CENPE: variants seen among roughly 807,000 people sequenced by gnomAD.
CENPE encodes centromere protein E, also known as centromere-associated protein E.
Under a neutral mutation model 336.1 loss-of-function variants are expected in CENPE, and 145 were observed. That is an observed-to-expected ratio of 0.43 (90% CI 0.38 to 0.50). The LOEUF (loss-of-function observed/expected upper bound fraction) is 0.50. Ranked by LOEUF, CENPE falls within the 20% of genes least tolerant of loss-of-function variation. The pLI is 0.00. For synonymous variants in CENPE, 1,013 were observed against 984.8 expected (o/e 1.03, Z -0.54); for missense variants, 2,719 against 3,023.3 (o/e 0.90, Z 2.36).
chr4:103,187,180 C>T (rs1313762838), intron 8 of CENPE, among the ~76,000 whole-genome samples: 1 of 152,128 alleles, frequency 6.6e-6, no homozygotes, highest in Non-Finnish European at 1.5e-5. Flanking sequence ...TACTTTGTTC[C>T]ATTCTCCCTG....
Position 103,144,347 on chromosome 4 carries a change from C to T in CENPE, c.5129G>A (p.Arg1710Lys). 6.2e-7 allele frequency: 1 copy of T among 1,606,762 alleles called. No homozygotes were observed. The highest frequency in any genetic ancestry group is 8.5e-7 in the Non-Finnish European group (1 of 1,177,822). ...VERDQLKENL[R>K]ETITRDLEKQ... is the part of the protein sequence containing the mutation. ...GTAACTCACTCTAGTTATAGTTTCT[C>T]TAAGGTTTTCCTTGAGCTGGTCTCT... The change falls in exon 33 of 49, where the codon AGA becomes AAA. Residue 1710 changes from arginine to lysine, a missense_variant. Arg to Lys is a conservative substitution (Grantham distance 26, BLOSUM62 2). Transcript: ENST00000265148.
chr4:103,151,996 T>C (rs901691748), intron 25 of CENPE, among the ~76,000 whole-genome samples: 1 of 152,232 alleles, frequency 6.6e-6, no homozygotes, highest in Non-Finnish European at 1.5e-5. Context: ...CATTCTACTA[T>C]GATCCACAGT....
intron 44 of CENPE, among the ~76,000 whole-genome samples, chr4:103,117,750 C>T (rs1474416167): frequency 6.6e-6 from 1 of 151,656 alleles, no homozygotes; most frequent in East Asian, 1.9e-4. Context: ...GCCTCAGTCC[C>T]CTGAGTAGCT....
At chr4:103,150,025 G>A (rs1013461866) in intron 26 of CENPE, among the ~76,000 whole-genome samples, 1 of 152,124 alleles carries the variant, frequency 6.6e-6, no homozygotes, top group Admixed American at 6.5e-5. Flanking sequence ...ATGAGATAAA[G>A]TAAAAAAGCA....
intron 14 of CENPE, 107 bp downstream of exon 14, chr4:103,176,792 C>A: frequency 5.3e-6 from 4 of 756,250 alleles, no homozygotes; most frequent in East Asian, 3.0e-5. Context: ...ATATGAAATA[C>A]ACAGTATTTA....
chr4:103,185,816 C>T lies in CENPE; in HGVS notation c.739G>A (p.Ala247Thr), dbSNP rs138379874. 174 of 1,606,590 alleles carry T rather than the reference C, an allele frequency of 1.1e-4. No homozygotes were observed. Among genetic ancestry groups the T allele is most frequent in the African/African-American group, 1.5e-4 (11 of 74,696 alleles). Residue 247 changes from alanine (A) to threonine (T), a missense_variant, in exon 9 of 49, where the codon GCT becomes ACT. Ala to Thr is a moderately conservative substitution (Grantham distance 58, BLOSUM62 0). Coordinates refer to ENST00000265148, the MANE Select transcript of CENPE (RefSeq NM_001813.3). ...AGSERAAQTG[A>T]AGVRLKEGCN... ...TTTCATGAGTTTTAATTACCTGCAG[C>T]GCCTGTTTGAGCAGCTCTTTCACTG... is the stretch of plus-strand genomic sequence containing the variant.
At chr4:103,191,699 A>G (rs1199068800) in intron 8 of CENPE, among the ~76,000 whole-genome samples, 1 of 151,996 alleles carries the variant, frequency 6.6e-6, no homozygotes, top group Non-Finnish European at 1.5e-5. Flanking sequence ...AATGTAAATG[A>G]CGAGTTAATG....
At chr4:103,195,587 T>C (rs577501720) in intron 4 of CENPE, among the ~76,000 whole-genome samples, 55 of 152,240 alleles carry the variant, frequency 3.6e-4, no homozygotes, top group Admixed American at 3.4e-3. Context: ...CTACATCCAC[T>C]TTCTACTGTT....
At chr4:103,164,381 T>C (rs1006072280) in intron 16 of CENPE, among the ~76,000 whole-genome samples, 1 of 152,098 alleles carries the variant, frequency 6.6e-6, no homozygotes, top group African/African-American at 2.4e-5. Context: ...TAATAGTATG[T>C]AAGGGGCTTG....
At chr4:103,182,724 C>A (rs1422349167) in intron 11 of CENPE, 38 bp downstream of exon 11, 2 of 1,517,988 alleles carry the variant, frequency 1.3e-6, no homozygotes, top group Non-Finnish European at 1.8e-6. Flanking sequence ...TCAAGCTGAT[C>A]TTCCCCTATA....
At position 103,140,605 on chromosome 4, in the gene CENPE, T is replaced by C. The variant is rs2126470; in HGVS notation, c.5755-191A>G. 0.45 allele frequency among the ~76,000 whole-genome samples: 68,425 copies of C among 151,902 alleles called. 16,165 individuals carry two copies. Among genetic ancestry groups the C allele is most frequent in the African/African-American group, 0.61 (25,196 of 41,458 alleles). Reference sequence around the variant, plus strand: ...CCTCACCCATAGCCTTCTCCTTTCATACCACTTGGACATCTTTCTAAATCA... The same window carrying C: ...CCTCACCCATAGCCTTCTCCTTTCACACCACTTGGACATCTTTCTAAATCA... On this transcript the variant is annotated intron_variant, in intron 36 of 48. Transcript: ENST00000265148.
chr4:103,158,757 T>C lies in CENPE; in HGVS notation c.2731A>G (p.Thr911Ala), dbSNP rs372417750. 51 of 1,613,282 alleles carry C rather than the reference T, an allele frequency of 3.2e-5. No individual in the cohort carries two copies. In the South Asian group the frequency reaches 5.6e-4, roughly 18 times the overall value. Residue 911 changes from threonine (T) to alanine (A), a missense_variant, in exon 23 of 49, where the codon ACA (threonine) becomes GCA (alanine). Physicochemically the swap from Thr to Ala is moderately conservative, Grantham distance 58 (BLOSUM62 0). This residue lies in a region of CENPE where 2,437 missense variants were observed against 2,513.3 expected (regional missense o/e 0.97). Coordinates refer to ENST00000265148, the MANE Select transcript of CENPE (RefSeq NM_001813.3). ...TGCTGCAGTTTCTCAGTAATCAGTG[T>C]TTTCTCCCTTTCTACAGTTTGCAGC... ...STLQTVEREKTLITEKLQQTL... is the reference protein window; with the variant it reads ...STLQTVEREKALITEKLQQTL...
At chr4:103,193,003 T>G (rs1047150790) in intron 8 of CENPE, among the ~76,000 whole-genome samples, 2 of 151,702 alleles carry the variant, frequency 1.3e-5, no homozygotes, top group Non-Finnish European at 2.9e-5. Context: ...AAACTGGATA[T>G]TATCATCCCA....
chr4:103,148,276 C>G (rs1056204585), intron 28 of CENPE, among the ~76,000 whole-genome samples: 3 of 152,172 alleles, frequency 2.0e-5, no homozygotes, highest in African/African-American at 7.2e-5. Context: ...CATAGCTGAG[C>G]AAACTATATC....
chr4:103,198,000 C>T (rs1757870092), intron 1 of CENPE, among the ~76,000 whole-genome samples: 1 of 152,244 alleles, frequency 6.6e-6, no homozygotes, highest in Non-Finnish European at 1.5e-5. Flanking sequence ...GCAGATGCCG[C>T]AAGGCAGAGC....
chr4:103,178,229 G>A (rs1215449983), intron 13 of CENPE, among the ~76,000 whole-genome samples: 1 of 151,928 alleles, frequency 6.6e-6, no homozygotes, highest in East Asian at 1.9e-4. Context: ...TCAGCCTCCT[G>A]AGCACTGCCA....
chr4:103,181,709 T>C, intron 11 of CENPE: 2 of 273,948 alleles, frequency 7.3e-6, no homozygotes, highest in Non-Finnish European at 1.4e-5. Flanking sequence ...TGGAATCTCA[T>C]TTACCCCTCA....
chr4:103,176,194 T>C (rs1360442654), intron 14 of CENPE, 146 bp from the exon 15 acceptor site: 2 of 504,292 alleles, frequency 4.0e-6, no homozygotes, highest in East Asian at 3.2e-5. Context: ...ATACCAAAAG[T>C]ACATTAATAG....
In CENPE at chr4:103,160,704, T is replaced by G; in HGVS notation, c.2207A>C (p.Asn736Thr). ...AATGACTTCTTCCCGCAAAGCTTCA[T>G]TTTCTTCAACTTCTTTATTTAGTTC... ...QKELNKEVEENEALREEVILL... is the reference protein window; with the variant it reads ...QKELNKEVEETEALREEVILL... Residue 736 changes from asparagine (N) to threonine (T), a missense_variant, in exon 21 of 49, where the codon AAT (asparagine) becomes ACT (threonine). By Grantham distance (65) the Asn-to-Thr change is moderately conservative (BLOSUM62 0). Around this residue, in one of 5 missense-constraint regions of CENPE, gnomAD observed 2,437 missense variants for 2,513.3 expected, o/e 0.97. Coordinates refer to ENST00000265148, the MANE Select transcript of CENPE (RefSeq NM_001813.3). 6.2e-7 allele frequency: 1 copy of G among 1,610,966 alleles called. No homozygotes were observed. The highest frequency in any genetic ancestry group is 1.1e-5 in the South Asian group (1 of 90,598).
Sources: allele counts gnomAD v4.1 joint callset (sites outside exome capture counted in the v4.1 genomes callset), GRCh38; gene constraint gnomAD v4.1.1; regional missense constraint gnomAD v4.1.1; transcripts MANE v1.5; gene names NCBI Gene and HGNC (gene_info 2026-07-23, HGNC 2026-07-21).